Variants in NPSR1 observed in about 807,000 individuals in gnomAD.
NPSR1 encodes neuropeptide S receptor 1, also known as neuropeptide S receptor.
NPSR1 carries 48 observed loss-of-function variants against 46.9 expected under a neutral mutation model. The ratio of observed to expected loss-of-function variants is 1.02; its 90% CI spans 0.81 to 1.30. The LOEUF is 1.30. Ranked by LOEUF, NPSR1 falls within the 50% of genes most tolerant of loss-of-function variation. The pLI is 0.00. For synonymous variants in NPSR1, 176 were observed against 168.1 expected, an observed-to-expected ratio of 1.05 and a Z score of -0.36; for missense variants, 450 against 449.5, an observed-to-expected ratio of 1.00 and a Z score of -0.01.
rs1277227561 is a variant in NPSR1 at position 34,871,036 on chromosome 7, T to C, written c.1026-7040T>C. Among the ~76,000 whole-genome samples, 2 of 151,772 alleles carry C rather than the reference T, an allele frequency of 1.3e-5. 1 individual carries two copies. The highest frequency in any genetic ancestry group is 4.9e-5 in the African/African-American group (2 of 41,052). On this transcript the variant is annotated intron_variant, in intron 8 of 8. Coordinates refer to the NPSR1 transcript ENST00000359791. ...GTAGTGGAGGTGGCAAGTGAGATTA[T>C]ATTAGGCCATTCTTGCATTGATATA...
intron 2 of NPSR1, chr7:34,719,543 T>G (rs899426562): frequency 2.6e-5 from 4 of 152,230 alleles, no homozygotes; most frequent in Non-Finnish European, 4.4e-5. Flanking sequence ...ATGCTGTCTC[T>G]ATGCACTGCT....
chr7:34,672,600 T>C (rs1028675279), intron 1 of NPSR1, among the ~76,000 whole-genome samples: 2 of 152,204 alleles, frequency 1.3e-5, no homozygotes, highest in Non-Finnish European at 2.9e-5. Context: ...TGACTATGTC[T>C]TTCTGGTCAG....
At chr7:34,739,743 T>G (rs1288354424) in intron 2 of NPSR1, among the ~76,000 whole-genome samples, 1 of 152,096 alleles carries the variant, frequency 6.6e-6, no homozygotes, top group African/African-American at 2.4e-5. Context: ...CTGCCCAGAG[T>G]CCTGTGATGT....
chr7:34,863,391 A>G (rs1421179154), intron 8 of NPSR1, among the ~76,000 whole-genome samples: 1 of 151,858 alleles, frequency 6.6e-6, no homozygotes, highest in Admixed American at 6.5e-5. Flanking sequence ...GGATCTAATT[A>G]AACTAAAGAG....
Position 34,849,720 on chromosome 7 carries a change from T to A in NPSR1, c.*65T>A. The A allele has an allele frequency of 1.9e-6, 3 of 1,596,298 alleles. No individual in the cohort carries two copies. The highest frequency in any genetic ancestry group is 2.6e-6 in the Non-Finnish European group (3 of 1,171,258). On this transcript the variant is annotated 3_prime_UTR_variant, in exon 9 of 9. Coordinates refer to ENST00000360581, the MANE Select transcript of NPSR1 (RefSeq NM_207172.2). The stretch of plus-strand genomic sequence containing the variant: ...CTCTCCCAGGTCCTTGTCACCTGCT[T>A]GGGCACGTGCATGGAACCCGAGCCA...
chr7:34,790,882 T>G (rs1225861231), intron 3 of NPSR1, among the ~76,000 whole-genome samples: 13 of 126,230 alleles, frequency 1.0e-4, no homozygotes, highest in Admixed American at 8.3e-4. Context: ...TATGTTATAT[T>G]ATATATCATA....
chr7:34,748,794 G>T (rs1281874432), intron 2 of NPSR1, among the ~76,000 whole-genome samples: 2 of 152,002 alleles, frequency 1.3e-5, no homozygotes, highest in Non-Finnish European at 2.9e-5. Flanking sequence ...GGGATTGGCG[G>T]AAGGGGGCAT....
intron 2 of NPSR1, among the ~76,000 whole-genome samples, chr7:34,687,222 A>C (rs1344695376): frequency 6.6e-6 from 1 of 151,990 alleles, no homozygotes. Flanking sequence ...TTACAATGAT[A>C]AACAGACAAA....
chr7:34,760,068 T>A (rs918208392), intron 2 of NPSR1, among the ~76,000 whole-genome samples: 1 of 152,204 alleles, frequency 6.6e-6, no homozygotes, highest in African/African-American at 2.4e-5. Flanking sequence ...ACTGATCAAG[T>A]GTGTTAATCA....
chr7:34,810,558 T>C (rs1046807663), intron 3 of NPSR1, among the ~76,000 whole-genome samples: 6 of 152,194 alleles, frequency 3.9e-5, no homozygotes, highest in Non-Finnish European at 8.8e-5. Context: ...GTGCTGATGA[T>C]GATAAATGAT....
At position 34,711,874 on chromosome 7, in the gene NPSR1, G is replaced by A. The variant is rs34313773; in HGVS notation, c.280+27190G>A. Among the ~76,000 whole-genome samples, 119 of 152,320 alleles carry A rather than the reference G, an allele frequency of 7.8e-4. 4 individuals carry two copies. The highest frequency in any genetic ancestry group is 2.8e-3 in the African/African-American group (115 of 41,574). On this transcript the variant is annotated intron_variant, in intron 2 of 8. Coordinates refer to ENST00000360581, the MANE Select transcript of NPSR1 (RefSeq NM_207172.2). ...CCCTATAGCAGCACTTCTCAACACC[G>A]GCTACACATTTGAATCAATAGAGGA... is the stretch of plus-strand genomic sequence containing the variant.
At position 34,658,536 on chromosome 7, in the gene NPSR1, G is replaced by T; in HGVS notation, c.124G>T (p.Gly42Cys). Residue 42 changes from glycine to cysteine, a missense_variant, in exon 1 of 9, where the codon GGT (glycine) becomes TGT (cysteine). By Grantham distance (159) the Gly-to-Cys change is radical. Coordinates refer to ENST00000360581, the MANE Select transcript of NPSR1 (RefSeq NM_207172.2). ...FTEVVEGKEWGSFYYSFKTEQ... is the reference protein window; with the variant it reads ...FTEVVEGKEWCSFYYSFKTEQ... ...TGAAGTGGTGGAAGGAAAGGAATGG[G>T]GTTCCTTCTACTACTCCTTTAAGGT... 5.0e-6 allele frequency: 8 copies of T among 1,613,980 alleles called. No homozygotes were observed. Among genetic ancestry groups the T allele is most frequent in the Non-Finnish European group, 6.8e-6 (8 of 1,179,882 alleles).
intron 2 of NPSR1, among the ~76,000 whole-genome samples, chr7:34,711,923 T>C (rs1355949236): frequency 6.6e-6 from 1 of 152,234 alleles, no homozygotes; most frequent in Non-Finnish European, 1.5e-5. Context: ...TTGCAAAAGA[T>C]GGCTGGGTCT....
intron 2 of NPSR1, among the ~76,000 whole-genome samples, chr7:34,772,028 C>A (rs1285595882): frequency 1.3e-5 from 2 of 152,114 alleles, no homozygotes; most frequent in Non-Finnish European, 2.9e-5. Flanking sequence ...CACATGAAAC[C>A]TTTCTGTACC....
intron 2 of NPSR1, among the ~76,000 whole-genome samples, chr7:34,732,440 C>T (rs1784466931): frequency 6.6e-6 from 1 of 152,054 alleles, no homozygotes. Context: ...GGAACTGGAC[C>T]ACTTGGGCAC....
At chr7:34,872,552 T>A (rs569234520) in intron 8 of NPSR1, among the ~76,000 whole-genome samples, 2 of 151,976 alleles carry the variant, frequency 1.3e-5, no homozygotes, top group East Asian at 3.9e-4. Context: ...ATGCTGCTGA[T>A]AGAGACATAC....
At chr7:34,851,097 G>T (rs1790920895), downstream of NPSR1, among the ~76,000 whole-genome samples, 1 of 151,728 alleles carries the variant, frequency 6.6e-6, no homozygotes, top group Non-Finnish European at 1.5e-5. Context: ...GTATGCACGT[G>T]AACACCTTAT....
At chr7:34,872,600 T>G (rs1485864316) in intron 8 of NPSR1, among the ~76,000 whole-genome samples, 2 of 151,806 alleles carry the variant, frequency 1.3e-5, no homozygotes, top group South Asian at 2.1e-4. Flanking sequence ...AAGGGTTTAA[T>G]GGACTTACAG....
chr7:34,687,988 C>G (rs1793021756), intron 2 of NPSR1, among the ~76,000 whole-genome samples: 1 of 152,152 alleles, frequency 6.6e-6, no homozygotes, highest in Admixed American at 6.5e-5. Flanking sequence ...TGGGCAGTTT[C>G]ACTGGACTGA....
Sources: gnomAD v4.1 joint callset for allele counts (sites outside exome capture counted in the v4.1 genomes callset) on GRCh38, gnomAD v4.1.1 for gene constraint, MANE v1.5 for transcripts, NCBI Gene and HGNC (gene_info 2026-07-23, HGNC 2026-07-21) for gene names.